SP4: variants seen among roughly 807,000 people sequenced by gnomAD.
SP4 encodes the protein Sp4 transcription factor, also known as transcription factor Sp4.
SP4 carries 19 observed loss-of-function variants against 72.8 expected under a neutral mutation model. The observed-to-expected ratio is 0.26, with a 90% CI of 0.18 to 0.38. SP4 has a LOEUF of 0.38. Among genes scored for constraint, SP4 ranks in the 10% least tolerant of loss-of-function variants. The pLI, the probability that SP4 is intolerant of heterozygous loss-of-function variation, is 1.00. For missense variants in SP4, 1,008 were observed against 926.3 expected (o/e 1.09, Z -1.14); for synonymous variants, 395 against 333.1 (o/e 1.19, Z -2.02).
rs1782197683 is a variant in SP4, at chr7:21,513,463, TTTG to T, written c.*2200_*2202del. Reference sequence around the variant, plus strand: ...TCTGGCTTTAAAACATCAGAATTGGTTTGTTGTTTTGTTTGGTACAGAGGAGCA... The same window carrying T: ...TCTGGCTTTAAAACATCAGAATTGGTTTGTTTTGTTTGGTACAGAGGAGCA... On this transcript the variant is annotated 3_prime_UTR_variant, in exon 6 of 6. Transcript: ENST00000222584. The T allele has an allele frequency of 6.6e-6, 1 of 152,628 alleles. No individual in the cohort carries two copies. The highest frequency in any genetic ancestry group is 1.5e-5 in the Non-Finnish European group (1 of 68,022). 9.5% of individuals were successfully genotyped at this position (152,628 alleles called of 1,614,324 possible).
rs541391387 is a variant in SP4, at chr7:21,440,575, C to T, written c.1678+9732C>T. On this transcript the variant is annotated intron_variant, in intron 3 of 5. Coordinates refer to ENST00000222584, the MANE Select transcript of SP4 (RefSeq NM_003112.5). The stretch of plus-strand genomic sequence containing the variant: ...GTGGAAAAGAAGTGGTGTGGCCAGG[C>T]GTGGTGGTTCACACCTGTAATCCCA... Among the ~76,000 whole-genome samples the T allele has an allele frequency of 8.5e-5, 13 of 152,160 alleles. No homozygotes were observed. In the South Asian group the frequency reaches 1.5e-3, roughly 17 times the overall value.
At chr7:21,428,638 C>A in intron 1 of SP4, 39 bp from the exon 2 acceptor site, 1 of 1,506,466 alleles carries the variant, frequency 6.6e-7, no homozygotes, top group African/African-American at 1.4e-5. Flanking sequence ...ATCCTAATAA[C>A]CTGTTGTCGT....
intron 5 of SP4, among the ~76,000 whole-genome samples, chr7:21,491,754 C>T (rs890211931): frequency 1.3e-5 from 2 of 152,182 alleles, no homozygotes; most frequent in Non-Finnish European, 2.9e-5. Context: ...ACTATCAACT[C>T]ACCATTTTAT....
intron 3 of SP4, among the ~76,000 whole-genome samples, chr7:21,443,492 T>G (rs1482947719): frequency 2.6e-5 from 4 of 152,102 alleles, no homozygotes; most frequent in African/African-American, 9.7e-5. Context: ...TCTGTCCCTC[T>G]GATATTATTA....
intron 3 of SP4, among the ~76,000 whole-genome samples, chr7:21,461,203 T>G (rs1264941322): frequency 6.6e-6 from 1 of 152,180 alleles, no homozygotes; most frequent in East Asian, 1.9e-4. Flanking sequence ...CCCGCACTCC[T>G]CAGCCCTTGG....
At chr7:21,449,841 A>G (rs1275090544) in intron 3 of SP4, among the ~76,000 whole-genome samples, 1 of 151,828 alleles carries the variant, frequency 6.6e-6, no homozygotes, top group Non-Finnish European at 1.5e-5. Context: ...TTTTATTGGG[A>G]AAAAAATTAT....
intron 5 of SP4, among the ~76,000 whole-genome samples, chr7:21,496,605 G>T (rs1287321525): frequency 1.3e-5 from 2 of 152,128 alleles, no homozygotes; most frequent in African/African-American, 2.4e-5. Flanking sequence ...ATTATAATGT[G>T]ACTCGATGTG....
At chr7:21,431,402 A>C (rs1782849686) in intron 3 of SP4, among the ~76,000 whole-genome samples, 1 of 152,120 alleles carries the variant, frequency 6.6e-6, no homozygotes, top group African/African-American at 2.4e-5. Flanking sequence ...TTAAGTTGTA[A>C]ATTGTTTGGT....
intron 5 of SP4, among the ~76,000 whole-genome samples, chr7:21,497,712 T>A (rs558400459): frequency 6.6e-6 from 1 of 152,362 alleles, no homozygotes; most frequent in East Asian, 1.9e-4. Flanking sequence ...AATTCACAGC[T>A]GAGTTTCGGA....
chr7:21,476,736 A>C (rs908781938), intron 3 of SP4, among the ~76,000 whole-genome samples: 1 of 152,176 alleles, frequency 6.6e-6, no homozygotes, highest in African/African-American at 2.4e-5. Context: ...TAGGATCTCA[A>C]AATGCTTTTA....
chr7:21,484,101 TC>T, intron 5 of SP4, among the ~76,000 whole-genome samples: 1 of 151,934 alleles, frequency 6.6e-6, no homozygotes, highest in East Asian at 1.9e-4. Context: ...AATTATGAAA[TC>T]TATTAAAAAT....
In SP4 at chr7:21,429,024, C is replaced by T. The variant is rs527275438; in HGVS notation, c.123+232C>T. ...TATAAGAAAACGGTGTGTGTGTTCC[C>T]AAGGGCATTTTGAGTTTAGGAACAT... On this transcript the variant is annotated intron_variant, in intron 2 of 5. Coordinates refer to ENST00000222584, the MANE Select transcript of SP4 (RefSeq NM_003112.5). The T allele has an allele frequency of 2.8e-5, 16 of 571,136 alleles. No homozygotes were observed. The African/African-American group carries it at 3.0e-4, about 11-fold the overall frequency. The allele number at this position is 571,136 out of a possible 1,614,324, so 35.4% of individuals were successfully genotyped here. A position where few individuals can be genotyped will look rare whatever the true frequency, so the allele number is the denominator to read the frequency against.
intron 3 of SP4, among the ~76,000 whole-genome samples, chr7:21,474,429 C>G (rs1262808167): frequency 6.6e-6 from 1 of 152,200 alleles, no homozygotes; most frequent in African/African-American, 2.4e-5. Context: ...ACAGTACTCT[C>G]ATTTCTAGAA....
At chr7:21,447,176 T>C (rs1289333729) in intron 3 of SP4, among the ~76,000 whole-genome samples, 3 of 152,190 alleles carry the variant, frequency 2.0e-5, no homozygotes, top group African/African-American at 4.8e-5. Flanking sequence ...AAAGCCATAG[T>C]GTGTGATTGC....
intron 2 of SP4, 38 bp from the exon 3 acceptor site, chr7:21,429,251 T>TG: frequency 9.7e-7 from 1 of 1,026,090 alleles, no homozygotes. Flanking sequence ...CCACTTTTTT[T>TG]CCCCCCCCCC....
intron 3 of SP4, among the ~76,000 whole-genome samples, chr7:21,470,268 C>T (rs1006248545): frequency 6.6e-6 from 1 of 152,168 alleles, no homozygotes; most frequent in Non-Finnish European, 1.5e-5. Context: ...AGCCAAAGGA[C>T]AAATGACATA....
chr7:21,478,496 T>C (rs1784581840), intron 4 of SP4, among the ~76,000 whole-genome samples: 1 of 117,326 alleles, frequency 8.5e-6, no homozygotes, highest in Non-Finnish European at 2.0e-5. Context: ...CAATAGGGTA[T>C]GAAGGTTCCA....
At chr7:21,464,171 C>T (rs745553113) in intron 3 of SP4, among the ~76,000 whole-genome samples, 1 of 143,104 alleles carries the variant, frequency 7.0e-6, no homozygotes, top group Non-Finnish European at 1.5e-5. Flanking sequence ...GTCACCCAGG[C>T]TGGAGTGCAT....
chr7:21,490,735 A>G (rs548618834), intron 5 of SP4, among the ~76,000 whole-genome samples: 1 of 152,232 alleles, frequency 6.6e-6, no homozygotes, highest in South Asian at 2.1e-4. Flanking sequence ...TTGCATGCAC[A>G]GCACAGACAC....
Sources: gnomAD v4.1 joint callset for allele counts (sites outside exome capture counted in the v4.1 genomes callset) on GRCh38, gnomAD v4.1.1 for gene constraint, MANE v1.5 for transcripts, NCBI Gene and HGNC (gene_info 2026-07-23, HGNC 2026-07-21) for gene names.